The following TIAM2 variants were observed in gnomAD, a reference collection of about 807,000 sequenced individuals.
TIAM2 encodes TIAM Rac1 associated GEF 2, also known as rho guanine nucleotide exchange factor TIAM2.
In TIAM2, 80 loss-of-function variants were observed where a neutral mutation model predicts 152.9. That is an observed-to-expected ratio of 0.52 (90% CI 0.44 to 0.63). The LOEUF (loss-of-function observed/expected upper bound fraction) is 0.63. TIAM2 is among the 30% of genes least tolerant of loss of function. The probability of loss-of-function intolerance (pLI) is 0.00; values close to 1 mark genes in which losing one functional copy is unlikely to be tolerated. For synonymous variants in TIAM2, 804 were observed against 838.0 expected (o/e 0.96, Z 0.70); for missense variants, 1,965 against 2,120.1 (o/e 0.93, Z 1.44).
At chr6:155,225,718 C>T (rs774430427) in intron 15 of TIAM2, among the ~76,000 whole-genome samples, 2 of 152,172 alleles carry the variant, frequency 1.3e-5, no homozygotes, top group African/African-American at 2.4e-5. Context: ...AATCTTATTC[C>T]ATTTCTGTTA....
intron 1 of TIAM2, among the ~76,000 whole-genome samples, chr6:155,025,293 A>G (rs1776578192): frequency 6.6e-6 from 1 of 150,528 alleles, no homozygotes. Flanking sequence ...TCCCGGGTTC[A>G]CGCCATTCTC....
intron 1 of TIAM2, among the ~76,000 whole-genome samples, chr6:155,036,077 G>C (rs1167456062): frequency 1.3e-5 from 2 of 152,098 alleles, no homozygotes; most frequent in African/African-American, 4.8e-5. Context: ...CTTTTGAGGT[G>C]GAAAGTTAAG....
chr6:155,213,354 G>C lies in TIAM2; in HGVS notation c.3168+2047G>C, dbSNP rs1315958692. On this transcript the variant is annotated intron_variant, in intron 15 of 26. Coordinates refer to ENST00000682666, the MANE Select transcript of TIAM2 (RefSeq NM_012454.4). The surrounding 1 kb of genome is among the most constrained non-coding windows in gnomAD (Gnocchi z 4.2). ...AGTGTTCACCTCTCAGCAGAGAGCA[G>C]ACCCTGGAGTGGGTAGCTCCTCTCC... 6.6e-6 allele frequency among the ~76,000 whole-genome samples: 1 copy of C among 152,130 alleles called. No individual in the cohort carries two copies. The highest frequency in any genetic ancestry group is 1.5e-5 in the Non-Finnish European group (1 of 68,000).
chr6:155,120,641 AT>A (rs1244630963), intron 2 of TIAM2, among the ~76,000 whole-genome samples: 12 of 152,122 alleles, frequency 7.9e-5, no homozygotes, highest in Non-Finnish European at 1.5e-4. Context: ...GAGTTTTAAT[AT>A]TTTCAGTGAT....
chr6:155,209,611 C>T (rs768816782), intron 14 of TIAM2, among the ~76,000 whole-genome samples: 1 of 152,214 alleles, frequency 6.6e-6, no homozygotes, highest in Middle Eastern at 3.4e-3. Flanking sequence ...TCATGCCTTT[C>T]GGGTCAGCAC....
At chr6:155,056,202 C>T (rs1434999909) in intron 1 of TIAM2, among the ~76,000 whole-genome samples, 1 of 122,174 alleles carries the variant, frequency 8.2e-6, no homozygotes, top group African/African-American at 3.3e-5. Context: ...GACAGAGTCT[C>T]GCTCTGTCAT....
chr6:155,043,365 A>G (rs971979172), intron 1 of TIAM2, among the ~76,000 whole-genome samples: 2 of 152,090 alleles, frequency 1.3e-5, no homozygotes, highest in African/African-American at 4.8e-5. Context: ...GCAGTGGCTC[A>G]TGTCTGTAAT....
intron 1 of TIAM2, among the ~76,000 whole-genome samples, chr6:155,059,440 C>T (rs146865656): frequency 6.6e-6 from 1 of 152,202 alleles, no homozygotes; most frequent in East Asian, 1.9e-4. Flanking sequence ...TCTCCTGCCT[C>T]AGCCTCCCAA....
chr6:155,052,003 C>T (rs1024757602), intron 1 of TIAM2, among the ~76,000 whole-genome samples: 5 of 152,134 alleles, frequency 3.3e-5, no homozygotes, highest in East Asian at 3.9e-4. Context: ...CCTTAGCAAA[C>T]GTTTAAAATG....
At chr6:155,042,407 G>A (rs1024863953) in intron 1 of TIAM2, among the ~76,000 whole-genome samples, 1 of 152,058 alleles carries the variant, frequency 6.6e-6, no homozygotes, top group African/African-American at 2.4e-5. Context: ...ACCAGCCTGG[G>A]CAACATGGCG....
At chr6:155,207,035 T>A (rs1024535302) in intron 14 of TIAM2, among the ~76,000 whole-genome samples, 2 of 152,192 alleles carry the variant, frequency 1.3e-5, no homozygotes, top group Admixed American at 6.5e-5. Flanking sequence ...ACTGTATATG[T>A]CCTGATGAGG....
At chr6:155,217,082 G>A (rs1424627811) in intron 15 of TIAM2, 2 of 1,289,528 alleles carry the variant, frequency 1.6e-6, no homozygotes. Flanking sequence ...TCCTTTTTAT[G>A]TACAGCATGT....
chr6:155,152,053 A>G (rs1479805459), intron 7 of TIAM2, among the ~76,000 whole-genome samples: 2 of 151,962 alleles, frequency 1.3e-5, no homozygotes, highest in Non-Finnish European at 2.9e-5. Context: ...CATGTTGGTC[A>G]GGCTGGTCTC....
intron 1 of TIAM2, among the ~76,000 whole-genome samples, chr6:155,082,317 T>G (rs1778080111): frequency 6.6e-6 from 1 of 152,060 alleles, no homozygotes; most frequent in Admixed American, 6.6e-5. Flanking sequence ...CACTCCAGCC[T>G]GGGCAGCAGA....
At chr6:155,181,190 G>C (rs894504772) in intron 12 of TIAM2, among the ~76,000 whole-genome samples, 1 of 152,182 alleles carries the variant, frequency 6.6e-6, no homozygotes, top group African/African-American at 2.4e-5. Flanking sequence ...AGGGGACCAA[G>C]ACATGGAAAC....
chr6:155,002,673 T>TTTTATTTATTTATTTATTTA (rs140724297), intron 1 of TIAM2, among the ~76,000 whole-genome samples: 2,827 of 150,242 alleles, frequency 0.019, 55 homozygotes, highest in African/African-American at 0.033. Flanking sequence ...GCTTTGCTTG[T>TTTTATTTATTTATTTATTTA]TTTATTTATT....
intron 7 of TIAM2, among the ~76,000 whole-genome samples, chr6:155,154,679 C>G (rs545828162): frequency 6.6e-6 from 1 of 152,308 alleles, no homozygotes; most frequent in South Asian, 2.1e-4. Flanking sequence ...ATCCCCCATC[C>G]TGCCTCATTA....
rs761172458 is a variant in TIAM2 at position 155,165,321 on chromosome 6, G to C, written c.2273G>C (p.Gly758Ala). 6.2e-7 allele frequency: 1 copy of C among 1,614,076 alleles called. No individual in the cohort carries two copies. Among genetic ancestry groups the C allele is most frequent in the Non-Finnish European group, 8.5e-7 (1 of 1,180,008 alleles). The change falls in exon 9 of 27, where the codon GGG (glycine) becomes GCG (alanine). Residue 758 changes from glycine (G) to alanine (A), a missense_variant. Gly to Ala is a moderately conservative substitution (Grantham distance 60). Coordinates refer to ENST00000682666, the MANE Select transcript of TIAM2 (RefSeq NM_012454.4). ...RKRTLSLTQR[G>A]RNKKGIFSSL... ...AGGACACTGTCACTGACCCAGCGAG[G>C]GAGAAACAAGAAGGGAATATTTTCT...
At chr6:155,146,616 G>A (rs1779824617) in intron 6 of TIAM2, among the ~76,000 whole-genome samples, 1 of 151,414 alleles carries the variant, frequency 6.6e-6, no homozygotes, top group African/African-American at 2.4e-5. Context: ...TATTATTTGA[G>A]ATGGAGTCTT....
Sources: allele counts gnomAD v4.1 joint callset (sites outside exome capture counted in the v4.1 genomes callset), GRCh38; gene constraint gnomAD v4.1.1; non-coding constraint Gnocchi (gnomAD v3.1); transcripts MANE v1.5; gene names NCBI Gene and HGNC (gene_info 2026-07-23, HGNC 2026-07-21).